The following TUSC3 variants were observed in gnomAD, a reference collection of about 807,000 sequenced individuals.
TUSC3 encodes the protein dolichyl-diphosphooligosaccharide--protein glycosyltransferase subunit TUSC3.
TUSC3 carries 45 observed loss-of-function variants against 44.8 expected under a neutral mutation model. That is an observed-to-expected ratio of 1.00 (90% CI 0.79 to 1.29). The LOEUF (loss-of-function observed/expected upper bound fraction) is 1.29. TUSC3 is among the 50% of genes most tolerant of loss of function. The pLI, the probability that TUSC3 is intolerant of heterozygous loss-of-function variation, is 0.00. For missense variants in TUSC3, 519 were observed against 437.9 expected, an observed-to-expected ratio of 1.19 and a Z score of -1.65; for synonymous variants, 212 against 152.9, an observed-to-expected ratio of 1.39 and a Z score of -2.85.
At chr8:15,555,947 G>A (rs1293846523) in intron 1 of TUSC3, among the ~76,000 whole-genome samples, 1 of 151,046 alleles carries the variant, frequency 6.6e-6, no homozygotes, top group Admixed American at 6.6e-5. Flanking sequence ...GGATATAAAT[G>A]ATCAAAACCA....
intron 1 of TUSC3, among the ~76,000 whole-genome samples, chr8:15,447,106 G>A (rs1800115943): frequency 6.6e-6 from 1 of 151,778 alleles, no homozygotes; most frequent in African/African-American, 2.4e-5. Flanking sequence ...GACAATATAG[G>A]ATGTTCATAT....
intron 2 of TUSC3, among the ~76,000 whole-genome samples, chr8:15,518,275 A>G (rs1801249248): frequency 6.6e-6 from 1 of 152,112 alleles, no homozygotes; most frequent in Admixed American, 6.6e-5. Context: ...TTTCATCAAA[A>G]TGCCATGTGT....
Position 15,765,561 on chromosome 8 carries a change from T to C in TUSC3, c.*1405T>C, listed in dbSNP as rs1812304542. The C allele has an allele frequency of 6.6e-6, 1 of 152,030 alleles. No homozygotes were observed. Among genetic ancestry groups the C allele is most frequent in the African/African-American group, 2.4e-5 (1 of 41,432 alleles). 9.4% of individuals were successfully genotyped at this position (152,030 alleles called of 1,614,324 possible). Reference sequence around the variant, plus strand: ...CTACTGGGGCATGTTTATCAAGTTATATCCCAGGGCAATGTGTATGCTAGC... The same window carrying C: ...CTACTGGGGCATGTTTATCAAGTTACATCCCAGGGCAATGTGTATGCTAGC... On this transcript the variant is annotated 3_prime_UTR_variant, in exon 11 of 11. Transcript: ENST00000503731.
chr8:15,467,864 T>C (rs1800434298), intron 1 of TUSC3, among the ~76,000 whole-genome samples: 1 of 152,170 alleles, frequency 6.6e-6, no homozygotes, highest in Admixed American at 6.5e-5. Flanking sequence ...ACAATACCTT[T>C]CTCTAATATT....
At chr8:15,681,769 T>C (rs976155601) in intron 6 of TUSC3, among the ~76,000 whole-genome samples, 2 of 151,962 alleles carry the variant, frequency 1.3e-5, no homozygotes, top group Non-Finnish European at 1.5e-5. Flanking sequence ...GTTAGACTGT[T>C]GAGATTTTTG....
chr8:15,838,137 C>G, the TUSC3 span, among the ~76,000 whole-genome samples: 1 of 152,114 alleles, frequency 6.6e-6, no homozygotes, highest in African/African-American at 2.4e-5. Flanking sequence ...TCTAAAAGAG[C>G]CTTTGTCTGT....
the TUSC3 span, among the ~76,000 whole-genome samples, chr8:15,811,272 A>G: frequency 1.3e-5 from 2 of 152,156 alleles, no homozygotes; most frequent in Non-Finnish European, 2.9e-5. Flanking sequence ...CACATTCCAA[A>G]GAGGTTTAGG....
chr8:15,748,658 G>T (rs762534980), intron 9 of TUSC3, 193 bp downstream of exon 9: 1 of 732,618 alleles, frequency 1.4e-6, no homozygotes, highest in Non-Finnish European at 2.5e-6. Context: ...CATGGTTCTT[G>T]TTCCCTGACA....
At chr8:15,731,854 T>A (rs538924154) in intron 7 of TUSC3, among the ~76,000 whole-genome samples, 76 of 152,292 alleles carry the variant, frequency 5.0e-4, no homozygotes, top group African/African-American at 1.8e-3. Flanking sequence ...ACCCCTTCAG[T>A]TTATTCAAGC....
At chr8:15,474,700 T>C (rs1224848162) in intron 1 of TUSC3, among the ~76,000 whole-genome samples, 1 of 152,166 alleles carries the variant, frequency 6.6e-6, no homozygotes, top group Non-Finnish European at 1.5e-5. Flanking sequence ...TTGTTTTCTC[T>C]TAAAAAAACT....
the TUSC3 span, among the ~76,000 whole-genome samples, chr8:15,841,808 C>T: frequency 6.6e-5 from 10 of 152,276 alleles, no homozygotes; most frequent in East Asian, 1.2e-3. Context: ...GCCACCACAC[C>T]GGGCCTAAAA....
At chr8:15,639,279 G>T (rs753789414) in intron 2 of TUSC3, among the ~76,000 whole-genome samples, 2 of 152,006 alleles carry the variant, frequency 1.3e-5, no homozygotes, top group African/African-American at 4.8e-5. Flanking sequence ...ATCACATGAT[G>T]TTCAGAGCTT....
chr8:15,618,345 TACAA>T (rs1172164006), intron 1 of TUSC3, among the ~76,000 whole-genome samples: 2 of 152,364 alleles, frequency 1.3e-5, no homozygotes, highest in African/African-American at 4.8e-5. Flanking sequence ...TAGCTTAAAA[TACAA>T]ACACATTTTA....
upstream of TUSC3, among the ~76,000 whole-genome samples, chr8:15,537,636 C>G (rs1405215966): frequency 6.6e-6 from 1 of 152,100 alleles, no homozygotes; most frequent in Admixed American, 6.6e-5. Flanking sequence ...AAAACAAATC[C>G]CTAGGACCCT....
intron 3 of TUSC3, among the ~76,000 whole-genome samples, chr8:15,655,358 A>G (rs1807108207): frequency 6.6e-6 from 1 of 152,180 alleles, no homozygotes; most frequent in Non-Finnish European, 1.5e-5. Flanking sequence ...TAAGGGAAAA[A>G]TGCCTCAAAT....
chr8:15,749,656 A>C (rs548491500), intron 9 of TUSC3, among the ~76,000 whole-genome samples: 173 of 151,864 alleles, frequency 1.1e-3, no homozygotes, highest in African/African-American at 4.0e-3. Flanking sequence ...TCTTGACTTT[A>C]GAGAGCCAGC....
At chr8:15,777,787 C>G in the TUSC3 span, among the ~76,000 whole-genome samples, 1 of 152,028 alleles carries the variant, frequency 6.6e-6, no homozygotes, top group Non-Finnish European at 1.5e-5. Flanking sequence ...CAGGAATTCC[C>G]TTTTAAAATA....
upstream of TUSC3, among the ~76,000 whole-genome samples, chr8:15,539,898 AAGG>A (rs1226803611): frequency 6.6e-6 from 1 of 152,064 alleles, no homozygotes; most frequent in Non-Finnish European, 1.5e-5. Context: ...CAGGGCTCTG[AAGG>A]AGAAGAGCTG....
the TUSC3 span, among the ~76,000 whole-genome samples, chr8:15,790,902 G>A: frequency 2.0e-5 from 3 of 152,114 alleles, no homozygotes; most frequent in Admixed American, 2.0e-4. Context: ...ACTTCTCAAG[G>A]AGTAGATACT....
Sources: allele counts gnomAD v4.1 joint callset (sites outside exome capture counted in the v4.1 genomes callset), GRCh38; gene constraint gnomAD v4.1.1; transcripts MANE v1.5; gene names NCBI Gene and HGNC (gene_info 2026-07-23, HGNC 2026-07-21).